Variants in RBFOX1 observed in about 807,000 individuals in gnomAD.
The protein encoded by RBFOX1 is RNA binding protein fox-1 homolog 1.
Under a neutral mutation model 57.7 loss-of-function variants are expected in RBFOX1, and 8 were observed. The ratio of observed to expected loss-of-function variants is 0.14; its 90% confidence interval spans 0.08 to 0.25. RBFOX1 has a LOEUF of 0.25. RBFOX1 is among the 10% of genes least tolerant of loss of function. RBFOX1 has a pLI of 1.00. For synonymous variants in RBFOX1, 326 were observed against 222.4 expected (o/e 1.47, Z -4.15); for missense variants, 611 against 548.5 (o/e 1.11, Z -1.14).
chr16:6,668,284 G>A (rs930295919), intron 3 of RBFOX1, among the ~76,000 whole-genome samples: 1 of 152,194 alleles, frequency 6.6e-6, no homozygotes, highest in African/African-American at 2.4e-5. Context: ...CTCCCAGAAA[G>A]AGTGCATGAT....
At chr16:5,453,042 C>T (rs189941714) in intron 1 of RBFOX1, among the ~76,000 whole-genome samples, 2 of 152,180 alleles carry the variant, frequency 1.3e-5, no homozygotes, top group South Asian at 4.1e-4. Context: ...ACTCTGTTTA[C>T]CTCTCTTACT....
At chr16:5,477,598 A>G (rs936646058) in intron 2 of RBFOX1, among the ~76,000 whole-genome samples, 2 of 152,068 alleles carry the variant, frequency 1.3e-5, no homozygotes, top group Non-Finnish European at 2.9e-5. Flanking sequence ...GTTCATTCTG[A>G]TTTTTGTCTA....
At chr16:5,509,020 C>T (rs1168966022) in intron 2 of RBFOX1, among the ~76,000 whole-genome samples, 5 of 152,212 alleles carry the variant, frequency 3.3e-5, no homozygotes, top group African/African-American at 9.7e-5. Flanking sequence ...CCTTCCCTCT[C>T]ACTTACACCC....
At chr16:7,193,657 T>G (rs149622864) in intron 4 of RBFOX1, among the ~76,000 whole-genome samples, 2 of 152,216 alleles carry the variant, frequency 1.3e-5, no homozygotes, top group Non-Finnish European at 2.9e-5. Context: ...TGCAACAGTG[T>G]GATGTTAACT....
At chr16:7,247,533 C>T (rs2094350149) in intron 4 of RBFOX1, among the ~76,000 whole-genome samples, 1 of 152,116 alleles carries the variant, frequency 6.6e-6, no homozygotes, top group Admixed American at 6.5e-5. Flanking sequence ...GACCCTGTGC[C>T]TGCCACAATA....
chr16:5,527,569 G>T (rs2044294995), intron 2 of RBFOX1, among the ~76,000 whole-genome samples: 1 of 152,314 alleles, frequency 6.6e-6, no homozygotes, highest in Non-Finnish European at 1.5e-5. Flanking sequence ...GGGCTTGTTT[G>T]TTACAGCAGC....
chr16:6,955,568 A>G (rs1220568714), intron 3 of RBFOX1, among the ~76,000 whole-genome samples: 3 of 152,154 alleles, frequency 2.0e-5, no homozygotes, highest in African/African-American at 7.2e-5. Context: ...TGAACATCTT[A>G]GTGTAATATT....
At chr16:6,749,138 G>A (rs11647586) in intron 3 of RBFOX1, among the ~76,000 whole-genome samples, 12,422 of 152,212 alleles carry the variant, frequency 0.082, 739 homozygotes, top group Non-Finnish European at 0.12. Flanking sequence ...TAGGAAGGCC[G>A]GATGGCATTC....
At chr16:7,167,813 G>A (rs1024198453) in intron 4 of RBFOX1, among the ~76,000 whole-genome samples, 4 of 151,984 alleles carry the variant, frequency 2.6e-5, no homozygotes, top group African/African-American at 9.7e-5. Context: ...GAATAACTGC[G>A]ACAAAAACCA....
At chr16:7,673,104 C>T (rs148875380) in intron 13 of RBFOX1, among the ~76,000 whole-genome samples, 4 of 152,048 alleles carry the variant, frequency 2.6e-5, no homozygotes, top group Admixed American at 6.6e-5. Flanking sequence ...AGGAAGCATG[C>T]GTAACACGTA....
intron 1 of RBFOX1, among the ~76,000 whole-genome samples, chr16:5,383,553 C>T (rs1402592348): frequency 6.6e-6 from 1 of 152,220 alleles, no homozygotes; most frequent in African/African-American, 2.4e-5. Context: ...CTTAAACTTT[C>T]TGAGCCTCAG....
intron 12 of RBFOX1, among the ~76,000 whole-genome samples, chr16:7,660,482 C>A (rs1309395933): frequency 6.6e-6 from 1 of 152,178 alleles, no homozygotes; most frequent in Non-Finnish European, 1.5e-5. Flanking sequence ...ATTTTAAGTG[C>A]AGCTGTTTGA....
chr16:6,671,101 T>G (rs1235010280), intron 3 of RBFOX1, among the ~76,000 whole-genome samples: 1 of 152,190 alleles, frequency 6.6e-6, no homozygotes, highest in Non-Finnish European at 1.5e-5. Context: ...ACCAGATAAT[T>G]ATTTCTTTTG....
At chr16:6,523,248 G>C (rs1433312019) in intron 2 of RBFOX1, among the ~76,000 whole-genome samples, 2 of 152,030 alleles carry the variant, frequency 1.3e-5, no homozygotes, top group African/African-American at 2.4e-5. Context: ...TACCTGAGGA[G>C]GGAAGGAAGA....
chr16:6,638,008 G>C (rs1385172395), intron 2 of RBFOX1, among the ~76,000 whole-genome samples: 2 of 152,008 alleles, frequency 1.3e-5, no homozygotes, highest in East Asian at 3.9e-4. Flanking sequence ...TCATTCCCAG[G>C]ATGACATGTT....
intron 1 of RBFOX1, among the ~76,000 whole-genome samples, chr16:6,300,850 G>T (rs1248664944): frequency 2.0e-5 from 3 of 152,052 alleles, no homozygotes; most frequent in African/African-American, 7.2e-5. Flanking sequence ...ATCTTGTTTT[G>T]CTGTGCCTTC....
intron 3 of RBFOX1, among the ~76,000 whole-genome samples, chr16:5,775,208 T>C (rs1361120030): frequency 1.3e-5 from 2 of 152,170 alleles, no homozygotes; most frequent in Non-Finnish European, 2.9e-5. Context: ...ACGGGGGACA[T>C]AGGATCCCCA....
chr16:7,619,425 A>T (rs1444909834), intron 10 of RBFOX1, among the ~76,000 whole-genome samples: 1 of 152,172 alleles, frequency 6.6e-6, no homozygotes, highest in Non-Finnish European at 1.5e-5. Context: ...AACTTCATCC[A>T]ATCACTCTTT....
rs142486517 is a variant in RBFOX1, at chr16:7,471,979, C to G, written c.28-46168C>G. On this transcript the variant is annotated intron_variant, in intron 4 of 15. Transcript: ENST00000550418. ...ACAAAAAAGGTGCTTGGGACTGGAT[C>G]TTTCACAGAGTACAAATGAGGTAGT... Among the ~76,000 whole-genome samples, 260 of 151,990 alleles carry G rather than the reference C, an allele frequency of 1.7e-3. 1 individual carries two copies. Among genetic ancestry groups the G allele is most frequent in the African/African-American group, 5.7e-3 (238 of 41,524 alleles).
Sources: allele counts gnomAD v4.1 joint callset (sites outside exome capture counted in the v4.1 genomes callset), GRCh38; gene constraint gnomAD v4.1.1; transcripts MANE v1.5; gene names NCBI Gene and HGNC (gene_info 2026-07-23, HGNC 2026-07-21).